Variants in AGPAT4 observed in about 807,000 individuals in gnomAD.
The protein encoded by AGPAT4 is 1-acylglycerol-3-phosphate O-acyltransferase 4.
AGPAT4 carries 15 observed loss-of-function variants against 48.0 expected under a neutral mutation model. That is an observed-to-expected ratio of 0.31 (90% CI 0.21 to 0.48). The LOEUF (loss-of-function observed/expected upper bound fraction) is 0.48, where lower values mean the gene tolerates loss of function less well. Ranked by LOEUF, AGPAT4 falls within the 20% of genes least tolerant of loss-of-function variation. AGPAT4 has a pLI of 0.99. For missense variants in AGPAT4, 314 were observed against 482.5 expected (o/e 0.65, Z 3.27); for synonymous variants, 178 against 198.7 (o/e 0.90, Z 0.88).
In AGPAT4 at chr6:161,171,878, T is replaced by C. The variant is rs1326700542; in HGVS notation, c.179-5461A>G. Among the ~76,000 whole-genome samples the C allele has an allele frequency of 6.6e-6, 1 of 151,996 alleles. No individual in the cohort carries two copies. Among genetic ancestry groups the C allele is most frequent in the African/African-American group, 2.4e-5 (1 of 41,372 alleles). ...TCGCACCACTGCACTCCAGCCTGGG[T>C]GACAGAGCAAGACTCCATCTCAAAA... On this transcript the variant is annotated intron_variant, in intron 2 of 8. Transcript: ENST00000320285. The surrounding 1 kb of genome is among the most constrained non-coding windows in gnomAD (Gnocchi z 4.4).
At chr6:161,156,034 G>C (rs1649302717) in intron 3 of AGPAT4, among the ~76,000 whole-genome samples, 1 of 152,216 alleles carries the variant, frequency 6.6e-6, no homozygotes, top group Non-Finnish European at 1.5e-5. Context: ...GGTCCTAGTG[G>C]TTGGCCTCTG....
rs115873835 is a variant in AGPAT4 at position 161,229,081 on chromosome 6, C to G, written c.178+2955G>C. ...CATGGCCTTTTGCATGAGAGCTTTA[C>G]CACGCCAGGGCTGGTAACTGCTTTG... On this transcript the variant is annotated intron_variant, in intron 2 of 8. Transcript: ENST00000320285. This position sits in a 1 kb window ranked among gnomAD's most constrained non-coding sequence, Gnocchi z 6.0. Among the ~76,000 whole-genome samples, 1,390 of 151,828 alleles carry G rather than the reference C, an allele frequency of 9.2e-3. 18 individuals carry two copies. The highest frequency in any genetic ancestry group is 0.032 in the African/African-American group (1,328 of 41,394).
rs1226993238 is a variant in AGPAT4 at position 161,161,396 on chromosome 6, T to C, written c.348+4852A>G. On this transcript the variant is annotated intron_variant, in intron 3 of 8. Coordinates refer to ENST00000320285, the MANE Select transcript of AGPAT4 (RefSeq NM_020133.3). This position sits in a 1 kb window ranked among gnomAD's most constrained non-coding sequence, Gnocchi z 4.6. Reference sequence around the variant, plus strand: ...ACCATTATCGGGTTCCTCATCCATGTGATTCCAGATCCCAGCACACTTGCC... The same window carrying C: ...ACCATTATCGGGTTCCTCATCCATGCGATTCCAGATCCCAGCACACTTGCC... 2.2e-6 allele frequency: 1 copy of C among 456,728 alleles called. No homozygotes were observed. The highest frequency in any genetic ancestry group is 1.5e-5 in the South Asian group (1 of 64,572). 28.3% of individuals were successfully genotyped at this position (456,728 alleles called of 1,614,324 possible). A position where few individuals can be genotyped will look rare whatever the true frequency, so the allele number is the denominator to read the frequency against.
intron 2 of AGPAT4, among the ~76,000 whole-genome samples, chr6:161,213,023 T>C (rs778780441): frequency 2.6e-5 from 4 of 151,810 alleles, no homozygotes; most frequent in Admixed American, 2.6e-4. Context: ...ACTGGCCTCA[T>C]ACCTTTGTCT....
intron 2 of AGPAT4, among the ~76,000 whole-genome samples, chr6:161,190,021 T>G (rs1780876663): frequency 6.6e-6 from 1 of 152,154 alleles, no homozygotes; most frequent in Non-Finnish European, 1.5e-5. Context: ...CTAGAGTCTA[T>G]GAAATACAGG....
chr6:161,192,880 T>C (rs748431492), intron 2 of AGPAT4, among the ~76,000 whole-genome samples: 3 of 152,232 alleles, frequency 2.0e-5, no homozygotes, highest in South Asian at 2.1e-4. Flanking sequence ...AGTTAGACTT[T>C]AGGGTGTCGC....
intron 2 of AGPAT4, among the ~76,000 whole-genome samples, chr6:161,193,179 A>T (rs1465028842): frequency 6.6e-6 from 1 of 152,172 alleles, no homozygotes; most frequent in South Asian, 2.1e-4. Flanking sequence ...TGTTTGTTAA[A>T]AAGTATTTTT....
chr6:161,219,877 A>ATAGATAGATG lies in AGPAT4; in HGVS notation c.178+12158_178+12159insCATCTATCTA, dbSNP rs1562343689. On this transcript the variant is annotated intron_variant, in intron 2 of 8. Coordinates refer to ENST00000320285, the MANE Select transcript of AGPAT4 (RefSeq NM_020133.3). The surrounding 1 kb of genome is among the most constrained non-coding windows in gnomAD (Gnocchi z 4.9). ...TAGATAGATAGATAGATAGATAGGCAGGCAGGCAGGCAGGCAGGCAGGCAG... is the reference window on the plus strand; with the variant it reads ...TAGATAGATAGATAGATAGATAGGCATAGATAGATGGGCAGGCAGGCAGGCAGGCAGGCAG... Among the ~76,000 whole-genome samples the ATAGATAGATG allele has an allele frequency of 9.4e-6, 1 of 106,472 alleles. No individual in the cohort carries two copies. Among genetic ancestry groups the ATAGATAGATG allele is most frequent in the African/African-American group, 3.2e-5 (1 of 31,182 alleles). 69.8% of individuals were successfully genotyped at this position (106,472 alleles called of 152,430 possible). A position where few individuals can be genotyped will look rare whatever the true frequency, so the allele number is the denominator to read the frequency against.
intron 5 of AGPAT4, among the ~76,000 whole-genome samples, chr6:161,150,732 T>A (rs1185815722): frequency 1.3e-5 from 2 of 152,168 alleles, no homozygotes; most frequent in Non-Finnish European, 2.9e-5. Flanking sequence ...AGTAGCTGCC[T>A]GGTCAGGGTG....
intron 2 of AGPAT4, among the ~76,000 whole-genome samples, chr6:161,199,468 T>C (rs1435294661): frequency 6.6e-6 from 1 of 152,168 alleles, no homozygotes; most frequent in African/African-American, 2.4e-5. Flanking sequence ...CATTGTTTCT[T>C]AAGGGAATGA....
chr6:161,170,695 C>A (rs1780245823), intron 2 of AGPAT4, among the ~76,000 whole-genome samples: 1 of 152,200 alleles, frequency 6.6e-6, no homozygotes, highest in Admixed American at 6.5e-5. Context: ...AGCTGCACAG[C>A]CAGCTCCACC....
chr6:161,203,060 G>A (rs1031525817), intron 2 of AGPAT4, among the ~76,000 whole-genome samples: 3 of 152,310 alleles, frequency 2.0e-5, no homozygotes, highest in Middle Eastern at 3.4e-3. Flanking sequence ...ACTGGGCTCT[G>A]TTCAGAATCC....
chr6:161,262,795 A>C lies in AGPAT4; in HGVS notation c.-90+11143T>G, dbSNP rs1041158849. On this transcript the variant is annotated intron_variant, in intron 1 of 8. Transcript: ENST00000320285. This position sits in a 1 kb window ranked among gnomAD's most constrained non-coding sequence, Gnocchi z 4.9. ...CACACGCCTCTTTTGTTTTGAGTTC[A>C]AAAGATAACTCCAGTGAAAAAAACC... Among the ~76,000 whole-genome samples the C allele has an allele frequency of 4.6e-5, 7 of 152,192 alleles. No individual in the cohort carries two copies. Among genetic ancestry groups the C allele is most frequent in the African/African-American group, 1.7e-4 (7 of 41,446 alleles).
At chr6:161,250,875 G>A (rs1782787744) in intron 1 of AGPAT4, among the ~76,000 whole-genome samples, 1 of 152,182 alleles carries the variant, frequency 6.6e-6, no homozygotes, top group Non-Finnish European at 1.5e-5. Flanking sequence ...CCATGAAGCT[G>A]CATGTTTTAA....
chr6:161,152,202 G>A (rs764927910), intron 5 of AGPAT4, among the ~76,000 whole-genome samples: 2 of 152,218 alleles, frequency 1.3e-5, no homozygotes, highest in African/African-American at 4.8e-5. Flanking sequence ...AGGAACACTG[G>A]TGACCAGGAG....
Position 161,180,455 on chromosome 6 carries a change from G to T in AGPAT4, c.179-14038C>A, listed in dbSNP as rs1780550952. The stretch of plus-strand genomic sequence containing the variant: ...GAACCTCCCACAGCTGCAGATATGG[G>T]CACCATGTTACGTGGGGAAATGGCC... On this transcript the variant is annotated intron_variant, in intron 2 of 8. Coordinates refer to ENST00000320285, the MANE Select transcript of AGPAT4 (RefSeq NM_020133.3). This position sits in a 1 kb window ranked among gnomAD's most constrained non-coding sequence, Gnocchi z 6.4. Among the ~76,000 whole-genome samples the T allele has an allele frequency of 6.6e-6, 1 of 152,190 alleles. No homozygotes were observed. Among genetic ancestry groups the T allele is most frequent in the Non-Finnish European group, 1.5e-5 (1 of 68,046 alleles).
intron 1 of AGPAT4, among the ~76,000 whole-genome samples, chr6:161,271,730 G>C (rs1783429190): frequency 6.6e-6 from 1 of 152,212 alleles, no homozygotes; most frequent in South Asian, 2.1e-4. Context: ...TTCTGAGGAA[G>C]TCTTGCTCTT....
chr6:161,269,580 G>C (rs1273646309), intron 1 of AGPAT4, among the ~76,000 whole-genome samples: 2 of 152,128 alleles, frequency 1.3e-5, no homozygotes, highest in Non-Finnish European at 2.9e-5. Context: ...AGGAGTTAGA[G>C]GTTGCAGTGA....
rs1197272519 is a variant in AGPAT4, at chr6:161,238,775, G to C, written c.-89-6473C>G. 6.6e-6 allele frequency among the ~76,000 whole-genome samples: 1 copy of C among 152,158 alleles called. No homozygotes were observed. Among genetic ancestry groups the C allele is most frequent in the Non-Finnish European group, 1.5e-5 (1 of 68,030 alleles). On this transcript the variant is annotated intron_variant, in intron 1 of 8. Transcript: ENST00000320285. This position sits in a 1 kb window ranked among gnomAD's most constrained non-coding sequence, Gnocchi z 5.2. ...TCATGGGAGTGGTTACCCTGATGCT[G>C]TTCTTGTGATCGTGAGTTCTCATAA...
Sources: allele counts gnomAD v4.1 joint callset (sites outside exome capture counted in the v4.1 genomes callset), GRCh38; gene constraint gnomAD v4.1.1; non-coding constraint Gnocchi (gnomAD v3.1); transcripts MANE v1.5; gene names NCBI Gene and HGNC (gene_info 2026-07-23, HGNC 2026-07-21).